The following SOBP variants were observed in gnomAD, a reference collection of about 807,000 sequenced individuals.
SOBP encodes the protein sine oculis-binding protein homolog.
In SOBP, 4 loss-of-function variants were observed where a neutral mutation model predicts 53.6. The ratio of observed to expected loss-of-function variants is 0.07; its 90% CI spans 0.04 to 0.17. The LOEUF (loss-of-function observed/expected upper bound fraction) is 0.17, where lower values mean the gene tolerates loss of function less well. Ranked by LOEUF, SOBP falls within the 10% of genes least tolerant of loss-of-function variation. The pLI is 1.00. For synonymous variants in SOBP, 584 were observed against 522.6 expected (o/e 1.12, Z -1.60); for missense variants, 1,088 against 1,204.7 (o/e 0.90, Z 1.43).
At chr6:107,559,019 C>G (rs570944520) in intron 4 of SOBP, among the ~76,000 whole-genome samples, 1 of 152,234 alleles carries the variant, frequency 6.6e-6, no homozygotes, top group Non-Finnish European at 1.5e-5. Flanking sequence ...TTGTTTACCA[C>G]TACATCTCCA....
At chr6:107,624,046 G>C (rs921992799) in intron 5 of SOBP, among the ~76,000 whole-genome samples, 3 of 152,176 alleles carry the variant, frequency 2.0e-5, no homozygotes, top group Non-Finnish European at 4.4e-5. Flanking sequence ...ATATAACGAA[G>C]AGTCAATAAA....
intron 5 of SOBP, among the ~76,000 whole-genome samples, chr6:107,600,078 A>T (rs909703970): frequency 1.3e-5 from 2 of 152,254 alleles, no homozygotes; most frequent in South Asian, 2.1e-4. Flanking sequence ...ACATGCAAAC[A>T]GAAATTGAGA....
intron 6 of SOBP, among the ~76,000 whole-genome samples, chr6:107,656,810 A>G (rs1772088642): frequency 1.3e-5 from 2 of 152,154 alleles, no homozygotes; most frequent in Admixed American, 6.5e-5. Context: ...ATGGTACTGT[A>G]TTATCTCTGG....
chr6:107,525,585 A>C (rs961748916), intron 3 of SOBP, among the ~76,000 whole-genome samples: 2 of 152,234 alleles, frequency 1.3e-5, no homozygotes, highest in African/African-American at 4.8e-5. Context: ...AAACACGGGA[A>C]GATGAATACT....
intron 4 of SOBP, among the ~76,000 whole-genome samples, chr6:107,545,294 A>G (rs7762721): frequency 0.59 from 89,098 of 152,086 alleles, 29,532 homozygotes; most frequent in East Asian, 0.9. Flanking sequence ...TAACGTTAAT[A>G]CAAGGGCAGA....
intron 5 of SOBP, among the ~76,000 whole-genome samples, chr6:107,623,688 AG>A (rs1221094805): frequency 1.3e-5 from 2 of 152,228 alleles, no homozygotes; most frequent in Non-Finnish European, 2.9e-5. Flanking sequence ...AAATTGGGAA[AG>A]GGTTTCTGAT....
chr6:107,605,901 C>T (rs749186622), intron 5 of SOBP, among the ~76,000 whole-genome samples: 10 of 152,118 alleles, frequency 6.6e-5, no homozygotes, highest in Non-Finnish European at 1.2e-4. Flanking sequence ...CTTGTGCACA[C>T]TAAAGTTGGA....
At chr6:107,615,152 T>C (rs1562101812) in intron 5 of SOBP, among the ~76,000 whole-genome samples, 1 of 152,206 alleles carries the variant, frequency 6.6e-6, no homozygotes, top group Non-Finnish European at 1.5e-5. Flanking sequence ...TTCTCTATAT[T>C]TCATGCAGCC....
chr6:107,553,961 C>G (rs1490390009), intron 4 of SOBP, among the ~76,000 whole-genome samples: 1 of 152,208 alleles, frequency 6.6e-6, no homozygotes. Flanking sequence ...ATCTTCTCTT[C>G]TACAAACAAG....
At chr6:107,625,093 G>A (rs1038137008) in intron 5 of SOBP, among the ~76,000 whole-genome samples, 1 of 152,168 alleles carries the variant, frequency 6.6e-6, no homozygotes, top group African/African-American at 2.4e-5. Flanking sequence ...AGGTATTTGT[G>A]GAGGTTCAAT....
At chr6:107,554,972 A>G (rs1784567356) in intron 4 of SOBP, among the ~76,000 whole-genome samples, 1 of 152,154 alleles carries the variant, frequency 6.6e-6, no homozygotes, top group African/African-American at 2.4e-5. Context: ...GTGGTTTTAC[A>G]TTTTTTAAAA....
At chr6:107,583,116 CATT>C (rs1562631655) in intron 4 of SOBP, among the ~76,000 whole-genome samples, 1 of 152,190 alleles carries the variant, frequency 6.6e-6, no homozygotes, top group Non-Finnish European at 1.5e-5. Flanking sequence ...GGTTGTAAAA[CATT>C]ATGAACTGAT....
At chr6:107,509,307 T>C (rs1175899700) in intron 3 of SOBP, among the ~76,000 whole-genome samples, 3 of 151,110 alleles carry the variant, frequency 2.0e-5, no homozygotes, top group Non-Finnish European at 1.5e-5. Flanking sequence ...GGCAGGAGAA[T>C]CGCTTGAACC....
chr6:107,653,674 G>C (rs1342837198), intron 6 of SOBP, among the ~76,000 whole-genome samples: 5 of 152,184 alleles, frequency 3.3e-5, no homozygotes, highest in Non-Finnish European at 7.3e-5. Context: ...ATTTGAGGAA[G>C]GAAATAATAC....
Position 107,634,798 on chromosome 6 carries a change from G to A in SOBP, c.1954G>A (p.Gly652Ser), listed in dbSNP as rs1321579173. ...FPGVLQGPQD[G>S]VIDLTVGHRA... ...AGGCGTGCTGCAGGGCCCGCAGGAC[G>A]GCGTCATCGACCTGACCGTGGGCCA... Residue 652 changes from glycine to serine, a missense_variant, in exon 6 of 7, where the codon GGC (glycine) becomes AGC (serine). This residue lies in a region of SOBP where 665 missense variants were observed against 629.7 expected (regional missense o/e 1.06). Transcript: ENST00000317357. This position sits in a 1 kb window ranked among gnomAD's most constrained non-coding sequence, Gnocchi z 4.5. 2 of 1,401,564 alleles carry A rather than the reference G, an allele frequency of 1.4e-6. No individual in the cohort carries two copies. Among genetic ancestry groups the A allele is most frequent in the Non-Finnish European group, 1.9e-6 (2 of 1,075,238 alleles). 86.8% of individuals were successfully genotyped at this position (1,401,564 alleles called of 1,614,324 possible). A position where few individuals can be genotyped will look rare whatever the true frequency, so the allele number is the denominator to read the frequency against.
chr6:107,650,108 G>T (rs2115173212), intron 6 of SOBP, among the ~76,000 whole-genome samples: 1 of 152,214 alleles, frequency 6.6e-6, no homozygotes, highest in Non-Finnish European at 1.5e-5. Flanking sequence ...AAAAGAAAAA[G>T]TTATTTAAAA....
chr6:107,602,082 A>G (rs1377188815), intron 5 of SOBP, among the ~76,000 whole-genome samples: 1 of 152,190 alleles, frequency 6.6e-6, no homozygotes, highest in African/African-American at 2.4e-5. Context: ...AATTATACTC[A>G]TTGCTCTCTC....
intron 5 of SOBP, among the ~76,000 whole-genome samples, chr6:107,615,269 G>A (rs1786744125): frequency 6.6e-6 from 1 of 152,210 alleles, no homozygotes; most frequent in Non-Finnish European, 1.5e-5. Flanking sequence ...CTCAGAACAA[G>A]GGGTATAATT....
At chr6:107,572,723 C>T (rs922232554) in intron 4 of SOBP, among the ~76,000 whole-genome samples, 8 of 151,258 alleles carry the variant, frequency 5.3e-5, no homozygotes, top group Non-Finnish European at 2.9e-5. Flanking sequence ...GTGTGGATTA[C>T]AATGTATGTG....
Sources: gnomAD v4.1 joint callset for allele counts (sites outside exome capture counted in the v4.1 genomes callset) on GRCh38, gnomAD v4.1.1 for gene constraint, gnomAD v4.1.1 regional missense constraint, Gnocchi (gnomAD v3.1) non-coding constraint, MANE v1.5 for transcripts, NCBI Gene and HGNC (gene_info 2026-07-23, HGNC 2026-07-21) for gene names.